TLR6: variants seen among roughly 807,000 people sequenced by gnomAD.
TLR6 encodes the protein toll like receptor 6, also known as toll-like receptor 6.
TLR6 carries 9 observed loss-of-function variants against 16.1 expected under a neutral mutation model. That is an observed-to-expected ratio of 0.56 (90% CI 0.34 to 0.98). TLR6 has a LOEUF of 0.98. TLR6 is among the 50% of genes least tolerant of loss of function. The probability of loss-of-function intolerance (pLI) is 0.02; values close to 1 mark genes in which losing one functional copy is unlikely to be tolerated. For synonymous variants in TLR6, 340 were observed against 338.6 expected, an observed-to-expected ratio of 1.00 and a Z score of -0.04; for missense variants, 786 against 921.0, an observed-to-expected ratio of 0.85 and a Z score of 1.90.
chr4:38,827,165 C>T (rs754352785), exon 2 of TLR6: 3 of 1,614,160 alleles, frequency 1.9e-6, no homozygotes, highest in Non-Finnish European at 2.5e-6. Flanking sequence ...AAAGAGCCCA[C>T]GTTTGCTTTT....
At chr4:38,861,899 G>A in the TLR6 span, among the ~76,000 whole-genome samples, 1 of 152,146 alleles carries the variant, frequency 6.6e-6, no homozygotes, top group African/African-American at 2.4e-5. Flanking sequence ...CTATCTGCTT[G>A]CTGATGTCTC....
the TLR6 span, among the ~76,000 whole-genome samples, chr4:38,863,749 C>A: frequency 6.6e-6 from 1 of 152,280 alleles, no homozygotes; most frequent in Non-Finnish European, 1.5e-5. Context: ...AAAGCATCAT[C>A]ATCTTTCACC....
chr4:38,829,560 G>T, intron 1 of TLR6, 23 bp from the exon 2 acceptor site: 1 of 755,908 alleles, frequency 1.3e-6, no homozygotes, highest in Non-Finnish European at 2.2e-6. Context: ...TATACACTAA[G>T]ATTAATAAAG....
At chr4:38,826,669 G>C (rs1450172691) in exon 2 of TLR6, 1 of 156,528 alleles carries the variant, frequency 6.4e-6, no homozygotes, top group Non-Finnish European at 1.4e-5. Flanking sequence ...GACTTGAAGA[G>C]AATGATGACA....
downstream of TLR6, among the ~76,000 whole-genome samples, chr4:38,823,336 C>T (rs1026199209): frequency 1.3e-5 from 2 of 152,220 alleles, no homozygotes; most frequent in Admixed American, 6.5e-5. Context: ...TACCATAAGC[C>T]TAGGTGTGTA....
chr4:38,848,609 G>A (rs1712637485), intron 1 of TLR6, among the ~76,000 whole-genome samples: 1 of 152,222 alleles, frequency 6.6e-6, no homozygotes, highest in South Asian at 2.1e-4. Flanking sequence ...TGAAAACCAT[G>A]GCACTAGAAC....
chr4:38,866,976 C>G, the TLR6 span, among the ~76,000 whole-genome samples: 1 of 152,228 alleles, frequency 6.6e-6, no homozygotes. Flanking sequence ...TTTCCTCCGA[C>G]TTTTATAGAA....
intron 1 of TLR6, among the ~76,000 whole-genome samples, chr4:38,849,854 C>G (rs943127654): frequency 6.6e-6 from 1 of 152,108 alleles, no homozygotes; most frequent in Non-Finnish European, 1.5e-5. Flanking sequence ...CAAGGATATC[C>G]AGGAATTGAA....
intron 1 of TLR6, among the ~76,000 whole-genome samples, chr4:38,844,225 G>A (rs1712415899): frequency 6.6e-6 from 1 of 152,162 alleles, no homozygotes; most frequent in Non-Finnish European, 1.5e-5. Context: ...GACAGCGACT[G>A]GAATACTGGT....
At chr4:38,827,071 T>G (rs1727573422) in exon 2 of TLR6, 1 of 1,550,806 alleles carries the variant, frequency 6.4e-7, no homozygotes, top group Non-Finnish European at 8.7e-7. Flanking sequence ...AAGTTGAATT[T>G]CCTAAATTTT....
intron 1 of TLR6, among the ~76,000 whole-genome samples, chr4:38,838,901 A>G (rs1235098019): frequency 2.2e-5 from 3 of 136,620 alleles, no homozygotes; most frequent in Non-Finnish European, 4.8e-5. Context: ...AAAGAGAAAA[A>G]GAGAAGGAAG....
chr4:38,843,159 G>A (rs981716214), intron 1 of TLR6, among the ~76,000 whole-genome samples: 5 of 152,164 alleles, frequency 3.3e-5, no homozygotes, highest in Admixed American at 6.5e-5. Context: ...GAGCAAACAA[G>A]AAAAGAATAC....
chr4:38,827,634 A>G, exon 2 of TLR6: 1 of 1,614,234 alleles, frequency 6.2e-7, no homozygotes, highest in Non-Finnish European at 8.5e-7. Flanking sequence ...ATCCTGAGAT[A>G]CCAGGGCAGA....
downstream of TLR6, among the ~76,000 whole-genome samples, chr4:38,823,479 T>A (rs905333428): frequency 1.3e-5 from 2 of 152,180 alleles, no homozygotes; most frequent in Admixed American, 1.3e-4. Context: ...TCCAAACTCA[T>A]CTCTGCCATG....
At chr4:38,827,557 G>A (rs776411249) in exon 2 of TLR6, 3 of 1,614,158 alleles carry the variant, frequency 1.9e-6, no homozygotes, top group African/African-American at 1.3e-5. Flanking sequence ...GAAACTGGAG[G>A]TTTCTTTGGA....
intron 1 of TLR6, among the ~76,000 whole-genome samples, chr4:38,843,326 A>G (rs924084457): frequency 1.3e-5 from 2 of 152,224 alleles, no homozygotes; most frequent in African/African-American, 4.8e-5. Flanking sequence ...GCAGCCACCA[A>G]CATTTTTAAA....
upstream of TLR6, among the ~76,000 whole-genome samples, chr4:38,861,745 C>T (rs1579266565): frequency 2.6e-5 from 4 of 152,282 alleles, no homozygotes. Context: ...CTCTTTCACA[C>T]CTCCTCTTGT....
intron 1 of TLR6, among the ~76,000 whole-genome samples, chr4:38,843,326 A>C (rs924084457): frequency 6.6e-6 from 1 of 152,224 alleles, no homozygotes. Flanking sequence ...GCAGCCACCA[A>C]CATTTTTAAA....
intron 1 of TLR6, among the ~76,000 whole-genome samples, chr4:38,853,751 A>G (rs561342780): frequency 6.6e-6 from 1 of 152,356 alleles, no homozygotes; most frequent in South Asian, 2.1e-4. Flanking sequence ...TTACAGGTAC[A>G]AGCCACTGCT....
Sources: gnomAD v4.1 joint callset for allele counts (sites outside exome capture counted in the v4.1 genomes callset) on GRCh38, gnomAD v4.1.1 for gene constraint, MANE v1.5 for transcripts, NCBI Gene and HGNC (gene_info 2026-07-23, HGNC 2026-07-21) for gene names.